The following GNG7 variants were observed in gnomAD, a reference collection of about 807,000 sequenced individuals.
GNG7 encodes G protein subunit gamma 7.
GNG7 carries 1 observed loss-of-function variant against 4.0 expected under a neutral mutation model. That is an observed-to-expected ratio of 0.25 (90% confidence interval 0.09 to 1.18). The LOEUF is 1.18. Among genes scored for constraint, GNG7 ranks in the 50% most tolerant of loss-of-function variants. The probability of loss-of-function intolerance (pLI) is 0.50; values close to 1 mark genes in which losing one functional copy is unlikely to be tolerated. For synonymous variants in GNG7, 34 were observed against 36.9 expected, an observed-to-expected ratio of 0.92 and a Z score of 0.29; for missense variants, 86 against 91.9, an observed-to-expected ratio of 0.94 and a Z score of 0.26.
At chr19:2,699,810 G>A (rs182726753) in intron 1 of GNG7, among the ~76,000 whole-genome samples, 29 of 152,284 alleles carry the variant, frequency 1.9e-4, no homozygotes, top group Admixed American at 1.3e-3. Context: ...TGTCCGCAGC[G>A]CTGGGATAGA....
intron 2 of GNG7, among the ~76,000 whole-genome samples, chr19:2,604,058 G>A (rs1043081617): frequency 3.2e-4 from 48 of 152,058 alleles, no homozygotes; most frequent in African/African-American, 1.1e-3. Context: ...CACTGTGTTA[G>A]CCAGGATGGT....
chr19:2,548,203 G>A (rs994988714), intron 3 of GNG7, among the ~76,000 whole-genome samples: 1 of 152,224 alleles, frequency 6.6e-6, no homozygotes, highest in African/African-American at 2.4e-5. Context: ...CAAAAACCAG[G>A]TATGGTGGCT....
At chr19:2,545,012 A>G (rs567136806) in intron 3 of GNG7, among the ~76,000 whole-genome samples, 5 of 151,980 alleles carry the variant, frequency 3.3e-5, no homozygotes, top group African/African-American at 9.7e-5. Flanking sequence ...CCTGGGATTC[A>G]CCTCCTCTCT....
chr19:2,616,685 A>C (rs1981732307), intron 2 of GNG7, among the ~76,000 whole-genome samples: 2 of 151,790 alleles, frequency 1.3e-5, no homozygotes, highest in Admixed American at 6.6e-5. Context: ...CTGAGGCAGA[A>C]TTGCTTGAAC....
Position 2,512,156 on chromosome 19 carries a change from AG to A in GNG7, c.*2865del. 4.1e-6 allele frequency: 4 copies of A among 985,828 alleles called. No individual in the cohort carries two copies. Among genetic ancestry groups the A allele is most frequent in the Non-Finnish European group, 4.8e-6 (4 of 829,978 alleles). The allele number at this position is 985,828 out of a possible 1,614,324, so 61.1% of individuals were successfully genotyped here. ...TAGCTGAGAGAGGCTTGTCCCCCCA[AG>A]GCTAGAGCTGCTGCTGCCACCCCCG... On this transcript the variant is annotated 3_prime_UTR_variant, in exon 5 of 5. Transcript: ENST00000382159. This position sits in a 1 kb window ranked among gnomAD's most constrained non-coding sequence, Gnocchi z 4.7.
At chr19:2,556,960 A>G (rs7252269) in intron 2 of GNG7, among the ~76,000 whole-genome samples, 122,905 of 151,948 alleles carry the variant, frequency 0.81, 50,117 homozygotes, top group African/African-American at 0.91. Context: ...TGAGATCCCT[A>G]ACCTCTTAGT....
chr19:2,613,980 C>T (rs1262205810), intron 2 of GNG7, among the ~76,000 whole-genome samples: 1 of 152,238 alleles, frequency 6.6e-6, no homozygotes, highest in Non-Finnish European at 1.5e-5. Context: ...AAGGCCACGG[C>T]CACAGCGACA....
chr19:2,530,775 G>T (rs4075811), intron 3 of GNG7, among the ~76,000 whole-genome samples: 1 of 151,996 alleles, frequency 6.6e-6, no homozygotes, highest in Non-Finnish European at 1.5e-5. Flanking sequence ...GGGCCTGCAG[G>T]GTTATTAAGA....
At position 2,604,811 on chromosome 19, in the gene GNG7, A is replaced by G. The variant is rs556955772; in HGVS notation, c.-78+41413T>C. 5.3e-5 allele frequency among the ~76,000 whole-genome samples: 8 copies of G among 152,288 alleles called. No individual in the cohort carries two copies. The South Asian group carries it at 1.7e-3, about 32-fold the overall frequency. On this transcript the variant is annotated intron_variant, in intron 2 of 4. Coordinates refer to ENST00000382159, the MANE Select transcript of GNG7 (RefSeq NM_052847.3). The stretch of plus-strand genomic sequence containing the variant: ...CTTTTCCCAGACAGAGATGCAGGGC[A>G]GTGGCGAGAAGGAAACAATCCAGTG...
chr19:2,624,665 G>GT (rs1981971727), intron 2 of GNG7, among the ~76,000 whole-genome samples: 1 of 152,146 alleles, frequency 6.6e-6, no homozygotes, highest in Admixed American at 6.5e-5. Context: ...CTCCGGAGCA[G>GT]TGACTGTGAC....
chr19:2,690,427 C>T (rs1913111676), intron 1 of GNG7, among the ~76,000 whole-genome samples: 1 of 152,102 alleles, frequency 6.6e-6, no homozygotes, highest in African/African-American at 2.4e-5. Context: ...TCATTCTTAG[C>T]CCAGGGGCCA....
Position 2,513,101 on chromosome 19 carries a change from G to T in GNG7, c.*1921C>A. The T allele has an allele frequency of 1.0e-6, 1 of 985,640 alleles. No individual in the cohort carries two copies. The highest frequency in any genetic ancestry group is 4.7e-5 in the South Asian group (1 of 21,290). The allele number at this position is 985,640 out of a possible 1,614,324, so 61.1% of individuals were successfully genotyped here. On this transcript the variant is annotated 3_prime_UTR_variant, in exon 5 of 5. Coordinates refer to ENST00000382159, the MANE Select transcript of GNG7 (RefSeq NM_052847.3). Reference sequence around the variant, plus strand: ...CTGTGGCCTGTGGGAGCTGCCCGAGGTTGAGGAGTGGAGGTCACTCCCCCG... The same window carrying T: ...CTGTGGCCTGTGGGAGCTGCCCGAGTTTGAGGAGTGGAGGTCACTCCCCCG...
intron 3 of GNG7, among the ~76,000 whole-genome samples, chr19:2,542,119 T>TTTTC (rs1978982289): frequency 7.2e-6 from 1 of 138,160 alleles, no homozygotes; most frequent in Admixed American, 7.2e-5. Context: ...TTTTTTTTTT[T>TTTTC]TTTTTTTTTT....
intron 2 of GNG7, among the ~76,000 whole-genome samples, chr19:2,598,056 A>C (rs894506260): frequency 6.6e-6 from 1 of 152,170 alleles, no homozygotes; most frequent in Non-Finnish European, 1.5e-5. Flanking sequence ...GACCAGGACA[A>C]CTGTGTGAGC....
intron 3 of GNG7, chr19:2,538,000 C>T (rs1037991845): frequency 2.6e-6 from 1 of 381,936 alleles, no homozygotes; most frequent in African/African-American, 2.1e-5. Flanking sequence ...TTGCTTGAAC[C>T]TGGAAGGCGG....
At chr19:2,559,351 CTTTT>C (rs551861647) in intron 2 of GNG7, among the ~76,000 whole-genome samples, 4 of 130,222 alleles carry the variant, frequency 3.1e-5, no homozygotes, top group Non-Finnish European at 4.9e-5. Context: ...TTCTGTGTGT[CTTTT>C]TTTTTTTTTT....
chr19:2,565,284 G>A (rs1055514839), intron 2 of GNG7, among the ~76,000 whole-genome samples: 3 of 152,120 alleles, frequency 2.0e-5, no homozygotes, highest in Non-Finnish European at 4.4e-5. Context: ...GGCCGAGGCG[G>A]GTGGATCATG....
Position 2,546,129 on chromosome 19 carries a change from G to T in GNG7, c.-38+9020C>A, listed in dbSNP as rs968393912. On this transcript the variant is annotated intron_variant, in intron 3 of 4. Coordinates refer to ENST00000382159, the MANE Select transcript of GNG7 (RefSeq NM_052847.3). This position sits in a 1 kb window ranked among gnomAD's most constrained non-coding sequence, Gnocchi z 6.3. ...CGGCCTGCCATGTTCTCACCAGGAC[G>T]CCAAAGAGGGGACCCACGCAGAGCC... 6.6e-6 allele frequency among the ~76,000 whole-genome samples: 1 copy of T among 152,192 alleles called. No homozygotes were observed. The highest frequency in any genetic ancestry group is 2.1e-4 in the South Asian group (1 of 4,834).
chr19:2,607,887 G>A (rs1981440408), intron 2 of GNG7, among the ~76,000 whole-genome samples: 1 of 152,044 alleles, frequency 6.6e-6, no homozygotes. Flanking sequence ...GTCCCCCCAG[G>A]ACAGCAATAC....
Sources: allele counts gnomAD v4.1 joint callset (sites outside exome capture counted in the v4.1 genomes callset), GRCh38; gene constraint gnomAD v4.1.1; non-coding constraint Gnocchi (gnomAD v3.1); transcripts MANE v1.5; gene names NCBI Gene and HGNC (gene_info 2026-07-23, HGNC 2026-07-21).